Variants in SENP6 observed in about 807,000 individuals in gnomAD.
SENP6 encodes SUMO specific peptidase 6.
SENP6 carries 41 observed loss-of-function variants against 134.5 expected under a neutral mutation model. The observed-to-expected ratio is 0.30, with a 90% CI of 0.24 to 0.40. The LOEUF is 0.40. Ranked by LOEUF, SENP6 falls within the 10% of genes least tolerant of loss-of-function variation. SENP6 has a pLI of 1.00. For synonymous variants in SENP6, 395 were observed against 429.8 expected (o/e 0.92, Z 1.00); for missense variants, 1,248 against 1,312.5 (o/e 0.95, Z 0.76).
At chr6:75,603,336 A>G (rs554627564) in intron 1 of SENP6, among the ~76,000 whole-genome samples, 3 of 152,286 alleles carry the variant, frequency 2.0e-5, no homozygotes, top group Admixed American at 1.3e-4. Flanking sequence ...TTTTTGGCCT[A>G]TGAATATATA....
intron 18 of SENP6, among the ~76,000 whole-genome samples, chr6:75,699,725 A>T (rs1350360354): frequency 6.6e-6 from 1 of 152,036 alleles, no homozygotes; most frequent in Non-Finnish European, 1.5e-5. Flanking sequence ...CCAGAGCCGA[A>T]GCGGTCCACC....
At chr6:75,635,511 T>C (rs1431649994) in intron 5 of SENP6, among the ~76,000 whole-genome samples, 1 of 152,180 alleles carries the variant, frequency 6.6e-6, no homozygotes, top group Non-Finnish European at 1.5e-5. Context: ...GCTCGTCATT[T>C]AGAAGACACG....
chr6:75,666,480 A>G lies in SENP6; in HGVS notation c.995-232A>G, dbSNP rs528198505. 2.0e-5 allele frequency among the ~76,000 whole-genome samples: 3 copies of G among 151,138 alleles called. No individual in the cohort carries two copies. The South Asian group carries it at 6.2e-4, about 31-fold the overall frequency. On this transcript the variant is annotated intron_variant, in intron 9 of 23. Transcript: ENST00000447266. ...AAATCAAATTTTATATTTGTATCAT[A>G]TTTTTTAAAAGATACCAAGTCTTAA... is the stretch of plus-strand genomic sequence containing the variant.
At position 75,678,868 on chromosome 6, in the gene SENP6, C is replaced by A. The variant is rs1403504112; in HGVS notation, c.2016C>A (p.Asp672Glu). 1.9e-6 allele frequency: 3 copies of A among 1,607,374 alleles called. No individual in the cohort carries two copies. Among genetic ancestry groups the A allele is most frequent in the Middle Eastern group, 1.8e-4 (1 of 5,658 alleles). Residue 672 changes from aspartate to glutamate, a missense_variant, in exon 16 of 24, where the codon GAC becomes GAA. Transcript: ENST00000447266. ...AKGGISVTNE[D>E]LHCLNEGEFL... is the part of the protein sequence containing the mutation. ...GAGGCATCTCTGTTACCAATGAGGA[C>A]CTGCACTGTCTAAATGAAGGAGAAT... is the stretch of plus-strand genomic sequence containing the variant.
intron 18 of SENP6, among the ~76,000 whole-genome samples, chr6:75,698,785 C>T (rs183039587): frequency 0.011 from 1,744 of 151,856 alleles, 33 homozygotes; most frequent in African/African-American, 0.039. Context: ...CTGAGGTGGG[C>T]GGATTACTTG....
chr6:75,614,260 CTTTTTTTT>C (rs1024636893), intron 1 of SENP6, among the ~76,000 whole-genome samples: 5 of 140,222 alleles, frequency 3.6e-5, no homozygotes, highest in African/African-American at 1.3e-4. Flanking sequence ...AAGTTACTAT[CTTTTTTTT>C]TTTTTTTTTT....
At chr6:75,640,476 TTCCTG>T (rs201084715) in intron 5 of SENP6, among the ~76,000 whole-genome samples, 1 of 132,816 alleles carries the variant, frequency 7.5e-6, no homozygotes, top group Non-Finnish European at 1.7e-5. Flanking sequence ...TGTATTCATC[TTCCTG>T]TTTGTTTATT....
intron 18 of SENP6, 56 bp downstream of exon 18, chr6:75,697,573 T>A (rs924422553): frequency 4.3e-6 from 5 of 1,170,092 alleles, no homozygotes; most frequent in East Asian, 2.4e-5. Flanking sequence ...TGATGGCAAT[T>A]TTTAAATAAT....
intron 1 of SENP6, among the ~76,000 whole-genome samples, chr6:75,612,581 T>C (rs1260959072): frequency 6.6e-6 from 1 of 152,194 alleles, no homozygotes; most frequent in East Asian, 1.9e-4. Context: ...CCTCTTGCCT[T>C]AGCCACCCAA....
intron 7 of SENP6, among the ~76,000 whole-genome samples, chr6:75,656,169 G>A (rs531376350): frequency 4.6e-4 from 67 of 145,022 alleles, no homozygotes; most frequent in African/African-American, 1.7e-3. Flanking sequence ...AGCCGAGATT[G>A]CGCCACTGCA....
At chr6:75,673,245 G>T (rs919914769) in intron 11 of SENP6, among the ~76,000 whole-genome samples, 1 of 151,124 alleles carries the variant, frequency 6.6e-6, no homozygotes, top group African/African-American at 2.4e-5. Flanking sequence ...CAAATGAGAA[G>T]ATATAAAACC....
intron 7 of SENP6, among the ~76,000 whole-genome samples, chr6:75,648,053 T>C (rs1770594727): frequency 6.6e-6 from 1 of 152,222 alleles, no homozygotes; most frequent in Non-Finnish European, 1.5e-5. Flanking sequence ...AATTTGCAAA[T>C]AGTGTAACTG....
chr6:75,603,793 TCTTA>T (rs937529819), intron 1 of SENP6, among the ~76,000 whole-genome samples: 3 of 152,180 alleles, frequency 2.0e-5, no homozygotes, highest in Admixed American at 1.3e-4. Context: ...TCTTAATTCT[TCTTA>T]CTTGAGTATA....
chr6:75,715,844 C>T lies in SENP6; in HGVS notation c.*250C>T, dbSNP rs1488235620. 1 of 263,456 alleles carries T rather than the reference C, an allele frequency of 3.8e-6. No homozygotes were observed. Among genetic ancestry groups the T allele is most frequent in the African/African-American group, 2.2e-5 (1 of 45,028 alleles). 16.3% of individuals were successfully genotyped at this position (263,456 alleles called of 1,614,324 possible). On this transcript the variant is annotated 3_prime_UTR_variant, in exon 24 of 24. Coordinates refer to ENST00000447266, the MANE Select transcript of SENP6 (RefSeq NM_015571.4). ...TTAGGAAGCTTTTGTTATGTATTTT[C>T]TGTTAATAGTACCTAAAATTGCAAC...
chr6:75,619,426 A>G (rs534197384), intron 1 of SENP6, among the ~76,000 whole-genome samples: 7 of 148,396 alleles, frequency 4.7e-5, no homozygotes, highest in African/African-American at 1.8e-4. Flanking sequence ...TTAAGGCTGA[A>G]TAACATTCCG....
intron 3 of SENP6, among the ~76,000 whole-genome samples, chr6:75,630,593 G>A (rs2149835819): frequency 6.6e-6 from 1 of 152,084 alleles, no homozygotes; most frequent in South Asian, 2.1e-4. Context: ...ATTATAGACT[G>A]GTTTCTCCAT....
At chr6:75,606,848 T>G (rs1025823578) in intron 1 of SENP6, among the ~76,000 whole-genome samples, 2 of 152,162 alleles carry the variant, frequency 1.3e-5, no homozygotes, top group Admixed American at 6.5e-5. Context: ...TAAGGGACAC[T>G]TAACCTGAAA....
intron 23 of SENP6, among the ~76,000 whole-genome samples, chr6:75,714,549 T>G (rs1375822223): frequency 6.6e-6 from 1 of 152,192 alleles, no homozygotes; most frequent in African/African-American, 2.4e-5. Flanking sequence ...CCCAAAAACA[T>G]AAATCTAATC....
intron 3 of SENP6, among the ~76,000 whole-genome samples, chr6:75,625,832 G>GCC (rs1209123841): frequency 6.6e-6 from 1 of 152,176 alleles, no homozygotes; most frequent in East Asian, 1.9e-4. Flanking sequence ...TTGCGCCACT[G>GCC]CACTCCAGCC....
Sources: gnomAD v4.1 joint callset for allele counts (sites outside exome capture counted in the v4.1 genomes callset) on GRCh38, gnomAD v4.1.1 for gene constraint, MANE v1.5 for transcripts, NCBI Gene and HGNC (gene_info 2026-07-23, HGNC 2026-07-21) for gene names.